Variants in NR2C2 observed in about 807,000 individuals in gnomAD.
The protein encoded by NR2C2 is Nuclear hormone receptor TR4.
A neutral mutation model predicts 62.9 loss-of-function variants in NR2C2; 6 were observed. The observed-to-expected ratio is 0.10, with a 90% CI of 0.05 to 0.19. The LOEUF is 0.19. Ranked by LOEUF, NR2C2 falls within the 10% of genes least tolerant of loss-of-function variation. NR2C2 has a pLI of 1.00. For missense variants in NR2C2, 479 were observed against 762.7 expected (o/e 0.63, Z 4.38); for synonymous variants, 272 against 273.8 (o/e 0.99, Z 0.07).
At chr3:14,995,331 A>C (rs1397569700) in intron 1 of NR2C2, among the ~76,000 whole-genome samples, 7 of 151,266 alleles carry the variant, frequency 4.6e-5, no homozygotes, top group Admixed American at 2.0e-4. Context: ...AAAAAAAAAA[A>C]AAAAAACCCC....
intron 11 of NR2C2, among the ~76,000 whole-genome samples, chr3:15,037,097 G>A (rs1325667410): frequency 6.6e-6 from 1 of 151,794 alleles, no homozygotes; most frequent in Non-Finnish European, 1.5e-5. Context: ...ACTCCAGCCT[G>A]GGACAGAGTG....
rs1018660975 is a variant in NR2C2, at chr3:14,964,968, A to C, written c.-40+17062A>C. Among the ~76,000 whole-genome samples, 9 of 152,114 alleles carry C rather than the reference A, an allele frequency of 5.9e-5. No homozygotes were observed. The East Asian group carries it at 1.7e-3, about 29-fold the overall frequency. ...AGGACACCATCCTGTCACAGGGTGT[A>C]CTCACATACATACCCACACTCACTC... On this transcript the variant is annotated intron_variant, in intron 1 of 13. Transcript: ENST00000425241.
At chr3:14,983,984 G>T (rs185694303) in intron 1 of NR2C2, among the ~76,000 whole-genome samples, 1 of 152,144 alleles carries the variant, frequency 6.6e-6, no homozygotes, top group Non-Finnish European at 1.5e-5. Flanking sequence ...CACCTCCCGG[G>T]TTCAAGCAGT....
At chr3:15,040,476 G>T (rs1046252258) in intron 13 of NR2C2, among the ~76,000 whole-genome samples, 1 of 152,228 alleles carries the variant, frequency 6.6e-6, no homozygotes, top group African/African-American at 2.4e-5. Context: ...CAGTCTCCAG[G>T]AGCCCCATGG....
intron 1 of NR2C2, among the ~76,000 whole-genome samples, chr3:14,970,144 A>G (rs1170834271): frequency 2.0e-5 from 3 of 151,900 alleles, no homozygotes; most frequent in African/African-American, 2.4e-5. Flanking sequence ...ACCCTTTATC[A>G]CCAAGCCTCC....
intron 13 of NR2C2, 87 bp from the exon 14 acceptor site, chr3:15,042,747 A>G: frequency 2.4e-6 from 3 of 1,252,744 alleles, no homozygotes; most frequent in Non-Finnish European, 3.4e-6. Context: ...ATTCTGTGCA[A>G]TACAGACGGG....
At chr3:14,998,064 G>A (rs2040882281) in intron 1 of NR2C2, among the ~76,000 whole-genome samples, 2 of 152,072 alleles carry the variant, frequency 1.3e-5, no homozygotes, top group African/African-American at 4.8e-5. Flanking sequence ...GGTCTTTCGT[G>A]GCTGAGTCTT....
Position 14,994,489 on chromosome 3 carries a change from C to A in NR2C2, c.-39-9387C>A, listed in dbSNP as rs534597964. Among the ~76,000 whole-genome samples the A allele has an allele frequency of 2.3e-5, 3 of 129,124 alleles. No homozygotes were observed. In the South Asian group the frequency reaches 7.5e-4, roughly 32 times the overall value. 84.7% of individuals were successfully genotyped at this position (129,124 alleles called of 152,430 possible). A position where few individuals can be genotyped will look rare whatever the true frequency, so the allele number is the denominator to read the frequency against. On this transcript the variant is annotated intron_variant, in intron 1 of 13. Transcript: ENST00000425241. The stretch of plus-strand genomic sequence containing the variant: ...GGCAGAGTCTCACCCTGTCGCCAGG[C>A]TGGAGTGCAGTGGTGCAATCTCAGC...
intron 1 of NR2C2, among the ~76,000 whole-genome samples, chr3:14,950,247 T>C (rs2039311895): frequency 6.6e-6 from 1 of 152,104 alleles, no homozygotes; most frequent in South Asian, 2.1e-4. Context: ...TGCAGCTAGT[T>C]ACATGGCATC....
chr3:14,948,086 C>A (rs2039188904), intron 1 of NR2C2, 180 bp downstream of exon 1: 3 of 152,212 alleles, frequency 2.0e-5, no homozygotes, highest in Admixed American at 1.3e-4. Context: ...CCCCTCCCCG[C>A]CCGCGGCCGG....
In NR2C2 at chr3:15,043,786, C is replaced by T. The variant is rs1181161044; in HGVS notation, c.*778C>T. On this transcript the variant is annotated 3_prime_UTR_variant, in exon 14 of 14. Transcript: ENST00000425241. ...CTCTGATGGGCATCTGCAGACTCCT[C>T]TAGAACCTGGGGTTCTCCTTTGATG... 1 of 152,256 alleles carries T rather than the reference C, an allele frequency of 6.6e-6. No individual in the cohort carries two copies. The highest frequency in any genetic ancestry group is 2.4e-5 in the African/African-American group (1 of 41,466). The allele number at this position is 152,256 out of a possible 1,614,324, so 9.4% of individuals were successfully genotyped here. A position where few individuals can be genotyped will look rare whatever the true frequency, so the allele number is the denominator to read the frequency against.
At position 15,047,314 on chromosome 3, in the gene NR2C2, G is replaced by A. The variant is rs1269008968; in HGVS notation, c.*4306G>A. On this transcript the variant is annotated 3_prime_UTR_variant, in exon 14 of 14. Coordinates refer to ENST00000425241, the MANE Select transcript of NR2C2 (RefSeq NM_001291694.2). ...AAGTCAGAATCTCCACTCTGCAAAA[G>A]GAAGAATTCCAGGCAGAAGAGGTTC... 6.6e-6 allele frequency: 1 copy of A among 152,180 alleles called. No homozygotes were observed. Among genetic ancestry groups the A allele is most frequent in the African/African-American group, 2.4e-5 (1 of 41,440 alleles). 9.4% of individuals were successfully genotyped at this position (152,180 alleles called of 1,614,324 possible). A position where few individuals can be genotyped will look rare whatever the true frequency, so the allele number is the denominator to read the frequency against.
chr3:15,023,044 C>CG (rs2041721101), intron 5 of NR2C2, among the ~76,000 whole-genome samples, 156 bp from the exon 6 acceptor site: 3 of 152,024 alleles, frequency 2.0e-5, no homozygotes, highest in African/African-American at 7.3e-5. Flanking sequence ...GGCTTTATTC[C>CG]TTCTCTCTGG....
At chr3:15,004,120 A>G in intron 2 of NR2C2, 134 bp downstream of exon 2, 5 of 679,544 alleles carry the variant, frequency 7.4e-6, no homozygotes, top group Non-Finnish European at 1.2e-5. Context: ...AATTCTTTAA[A>G]AAAAATAAAG....
chr3:15,035,972 G>A (rs1431413297), intron 11 of NR2C2, among the ~76,000 whole-genome samples: 1 of 152,198 alleles, frequency 6.6e-6, no homozygotes, highest in Non-Finnish European at 1.5e-5. Flanking sequence ...AGGTTGCAGT[G>A]AGCCGAGATC....
At chr3:15,025,435 A>T (rs1480546348) in intron 7 of NR2C2, 3 of 152,256 alleles carry the variant, frequency 2.0e-5, no homozygotes, top group Non-Finnish European at 4.4e-5. Context: ...TTTGGAGGAG[A>T]ATGACCACAA....
Position 15,030,115 on chromosome 3 carries a change from A to G in NR2C2, c.933-160A>G, listed in dbSNP as rs145568317. On this transcript the variant is annotated intron_variant, in intron 8 of 13. Transcript: ENST00000425241. ...CAAGGCAGGTAGATCACCTGCAGTCAATAGTTTGAGACCAGCCTGGCCAAC... is the reference window on the plus strand; with the variant it reads ...CAAGGCAGGTAGATCACCTGCAGTCGATAGTTTGAGACCAGCCTGGCCAAC... 5.2e-3 allele frequency among the ~76,000 whole-genome samples: 788 copies of G among 152,296 alleles called. 8 individuals are homozygous for G. The highest frequency in any genetic ancestry group is 0.018 in the African/African-American group (745 of 41,562).
chr3:15,031,984 C>G (rs1559306109), intron 9 of NR2C2, among the ~76,000 whole-genome samples: 1 of 152,222 alleles, frequency 6.6e-6, no homozygotes, highest in Non-Finnish European at 1.5e-5. Flanking sequence ...CTGCCTCAGC[C>G]TCCCAAAGTG....
intron 1 of NR2C2, among the ~76,000 whole-genome samples, chr3:14,949,619 A>G (rs1436852996): frequency 2.0e-5 from 3 of 152,226 alleles, no homozygotes; most frequent in Admixed American, 6.5e-5. Flanking sequence ...TTACTTCCAG[A>G]TTCAAATCCT....
Sources: allele counts gnomAD v4.1 joint callset (sites outside exome capture counted in the v4.1 genomes callset), GRCh38; gene constraint gnomAD v4.1.1; transcripts MANE v1.5; gene names NCBI Gene and HGNC (gene_info 2026-07-23, HGNC 2026-07-21).